Variants in ZMIZ1 observed in about 807,000 individuals in gnomAD.
The protein encoded by ZMIZ1 is zinc finger MIZ domain-containing protein 1.
In ZMIZ1, 17 loss-of-function variants were observed where a neutral mutation model predicts 113.9. The observed-to-expected ratio is 0.15, with a 90% confidence interval of 0.10 to 0.22. The LOEUF (loss-of-function observed/expected upper bound fraction) is 0.22, where lower values mean the gene tolerates loss of function less well. Among genes scored for constraint, ZMIZ1 ranks in the 10% least tolerant of loss-of-function variants. The pLI, the probability that ZMIZ1 is intolerant of heterozygous loss-of-function variation, is 1.00. For missense variants in ZMIZ1, 1,059 were observed against 1,477.8 expected, an observed-to-expected ratio of 0.72 and a Z score of 4.65; for synonymous variants, 607 against 603.1, an observed-to-expected ratio of 1.01 and a Z score of -0.09.
intron 4 of ZMIZ1, among the ~76,000 whole-genome samples, chr10:79,173,050 A>G (rs7923830): frequency 0.21 from 32,629 of 152,056 alleles, 4,388 homozygotes; most frequent in East Asian, 0.43. Context: ...TGATTTTTCC[A>G]AATCTGCTGG....
chr10:79,182,837 G>C (rs1780344064), intron 4 of ZMIZ1, among the ~76,000 whole-genome samples: 1 of 152,248 alleles, frequency 6.6e-6, no homozygotes, highest in Non-Finnish European at 1.5e-5. Context: ...ACTTAGTGCT[G>C]TCCGTGGTGT....
intron 4 of ZMIZ1, among the ~76,000 whole-genome samples, chr10:79,200,182 G>A (rs998762804): frequency 6.6e-6 from 1 of 152,192 alleles, no homozygotes; most frequent in African/African-American, 2.4e-5. Context: ...AAGGCTTAGG[G>A]CCCCAGGTCT....
intron 7 of ZMIZ1, among the ~76,000 whole-genome samples, chr10:79,272,193 C>A (rs897361543): frequency 1.8e-4 from 28 of 151,662 alleles, no homozygotes; most frequent in African/African-American, 6.8e-4. Context: ...TGCTGAGGCA[C>A]AAGAATCGCT....
At chr10:79,240,152 G>A (rs1849755485) in intron 7 of ZMIZ1, among the ~76,000 whole-genome samples, 1 of 145,374 alleles carries the variant, frequency 6.9e-6, no homozygotes, top group African/African-American at 2.5e-5. Flanking sequence ...ATTCATCAAG[G>A]AGCCGCAGCG....
At chr10:79,217,514 A>G (rs1251763143) in intron 7 of ZMIZ1, among the ~76,000 whole-genome samples, 1 of 152,248 alleles carries the variant, frequency 6.6e-6, no homozygotes, top group East Asian at 1.9e-4. Context: ...CAAGCAGTTG[A>G]AAAAGAAAAA....
intron 3 of ZMIZ1, among the ~76,000 whole-genome samples, chr10:79,150,017 G>A (rs1008968692): frequency 1.4e-4 from 22 of 152,348 alleles, no homozygotes; most frequent in African/African-American, 5.3e-4. Flanking sequence ...AGAAAGCATT[G>A]GTGCTTCTGA....
Position 79,100,881 on chromosome 10 carries a change from C to T in ZMIZ1, c.-336-18034C>T, listed in dbSNP as rs556610143. Among the ~76,000 whole-genome samples, 373 of 152,316 alleles carry T rather than the reference C, an allele frequency of 2.4e-3. 1 individual carries two copies. Among genetic ancestry groups the T allele is most frequent in the Admixed American group, 4.0e-3 (61 of 15,304 alleles). On this transcript the variant is annotated intron_variant, in intron 1 of 24. Coordinates refer to ENST00000334512, the MANE Select transcript of ZMIZ1 (RefSeq NM_020338.4). ...CCTTGGCCCTCAGGGCTTTTGCACA[C>T]AGCATCCCTGGGTGCCTGCTAAACG...
chr10:79,301,798 G>C (rs868049598), intron 17 of ZMIZ1, among the ~76,000 whole-genome samples: 1 of 152,130 alleles, frequency 6.6e-6, no homozygotes, highest in African/African-American at 2.4e-5. Context: ...TGGCAGGAAG[G>C]GCTAAGGACA....
chr10:79,239,611 C>A (rs1236622681), intron 7 of ZMIZ1, among the ~76,000 whole-genome samples: 2 of 152,174 alleles, frequency 1.3e-5, no homozygotes, highest in African/African-American at 4.8e-5. Flanking sequence ...TCATTGTTCT[C>A]CCTCTAAGCG....
intron 7 of ZMIZ1, among the ~76,000 whole-genome samples, chr10:79,276,978 T>G (rs1852331776): frequency 6.6e-6 from 1 of 152,142 alleles, no homozygotes; most frequent in Non-Finnish European, 1.5e-5. Context: ...AACTTTTGTA[T>G]CCTCCTTCAA....
chr10:79,196,999 C>T (rs1336095026), intron 4 of ZMIZ1, among the ~76,000 whole-genome samples: 9 of 152,210 alleles, frequency 5.9e-5, no homozygotes, highest in Non-Finnish European at 1.3e-4. Context: ...CCACAGTGTG[C>T]AGGTCTGGCC....
At chr10:79,135,931 C>G (rs1458197700) in intron 2 of ZMIZ1, among the ~76,000 whole-genome samples, 2 of 143,978 alleles carry the variant, frequency 1.4e-5, no homozygotes, top group Non-Finnish European at 3.1e-5. Flanking sequence ...CCAGAGATCT[C>G]CCTCTCATCA....
chr10:79,281,195 G>A (rs55818512), intron 8 of ZMIZ1, among the ~76,000 whole-genome samples: 6,874 of 152,230 alleles, frequency 0.045, 184 homozygotes, highest in African/African-American at 0.06. Context: ...GAGGTTGTTC[G>A]GTCCCGGGGT....
chr10:79,232,389 G>A (rs1229773198), intron 7 of ZMIZ1, among the ~76,000 whole-genome samples: 1 of 152,118 alleles, frequency 6.6e-6, no homozygotes, highest in African/African-American at 2.4e-5. Flanking sequence ...GCAGGAGGAC[G>A]GTGTATTTTT....
At chr10:79,160,926 G>A (rs1479181199) in intron 3 of ZMIZ1, among the ~76,000 whole-genome samples, 1 of 152,232 alleles carries the variant, frequency 6.6e-6, no homozygotes, top group East Asian at 1.9e-4. Context: ...GCCTTGCATC[G>A]GGGCACCTTC....
At chr10:79,176,082 G>A (rs1027850058) in intron 4 of ZMIZ1, among the ~76,000 whole-genome samples, 1 of 152,052 alleles carries the variant, frequency 6.6e-6, no homozygotes, top group South Asian at 2.1e-4. Context: ...TCCTGGGCTG[G>A]GGCTGGAGGA....
chr10:79,163,447 G>A (rs1052958997), intron 4 of ZMIZ1, among the ~76,000 whole-genome samples: 1 of 152,266 alleles, frequency 6.6e-6, no homozygotes, highest in African/African-American at 2.4e-5. Context: ...CTGCTGTGAG[G>A]ATGCTTAGAA....
chr10:79,089,813 T>C (rs1325783744), intron 1 of ZMIZ1, among the ~76,000 whole-genome samples: 2 of 149,864 alleles, frequency 1.3e-5, no homozygotes, highest in Non-Finnish European at 3.0e-5. Flanking sequence ...GGCCACCTGC[T>C]CCCTTTTTAC....
intron 4 of ZMIZ1, among the ~76,000 whole-genome samples, chr10:79,199,032 CA>C (rs397794791): frequency 4.9e-4 from 71 of 144,710 alleles, no homozygotes; most frequent in East Asian, 8.3e-4. Flanking sequence ...GACTCAGTCT[CA>C]AAAAAAAAAA....
Sources: allele counts gnomAD v4.1 joint callset (sites outside exome capture counted in the v4.1 genomes callset), GRCh38; gene constraint gnomAD v4.1.1; transcripts MANE v1.5; gene names NCBI Gene and HGNC (gene_info 2026-07-23, HGNC 2026-07-21).